The following NCOR1 variants were observed in gnomAD, a reference collection of about 807,000 sequenced individuals.
NCOR1 encodes the protein nuclear receptor corepressor 1, also known as protein phosphatase 1, regulatory subunit 109.
Under a neutral mutation model 288.1 loss-of-function variants are expected in NCOR1, and 63 were observed. The observed-to-expected ratio is 0.22, with a 90% CI of 0.18 to 0.27. The LOEUF (loss-of-function observed/expected upper bound fraction) is 0.27, where lower values mean the gene tolerates loss of function less well. Ranked by LOEUF, NCOR1 falls within the 10% of genes least tolerant of loss-of-function variation. The probability of loss-of-function intolerance (pLI) is 1.00; values close to 1 mark genes in which losing one functional copy is unlikely to be tolerated. For synonymous variants in NCOR1, 1,007 were observed against 1,065.9 expected, an observed-to-expected ratio of 0.94 and a Z score of 1.08; for missense variants, 2,397 against 3,019.2, an observed-to-expected ratio of 0.79 and a Z score of 4.83.
Position 16,177,950 on chromosome 17 carries a change from C to T in NCOR1, c.243-5955G>A, listed in dbSNP as rs945289050. Reference sequence around the variant, plus strand: ...TTCCGCCAGGCACAGTGGCTCACGCCTGTAATCCCAGCATTTTGGGAGGCT... The same window carrying T: ...TTCCGCCAGGCACAGTGGCTCACGCTTGTAATCCCAGCATTTTGGGAGGCT... On this transcript the variant is annotated intron_variant, in intron 3 of 45. Transcript: ENST00000268712. 4.6e-5 allele frequency among the ~76,000 whole-genome samples: 7 copies of T among 152,320 alleles called. No individual in the cohort carries two copies. The East Asian group carries it at 1.3e-3, about 29-fold the overall frequency.
At chr17:16,214,825 G>A (rs1160567737) in intron 1 of NCOR1, among the ~76,000 whole-genome samples, 2 of 152,126 alleles carry the variant, frequency 1.3e-5, no homozygotes, top group African/African-American at 4.8e-5. Flanking sequence ...TATAGTGTTC[G>A]GATCTTTGCC....
At chr17:16,055,690 TAACTA>T (rs1475935916) in intron 40 of NCOR1, among the ~76,000 whole-genome samples, 1 of 152,200 alleles carries the variant, frequency 6.6e-6, no homozygotes, top group Non-Finnish European at 1.5e-5. Context: ...GTTAAATAAA[TAACTA>T]AAATGAAAAT....
In NCOR1 at chr17:16,062,279, G is replaced by T; in HGVS notation, c.5222-9C>A. 6.3e-7 allele frequency: 1 copy of T among 1,575,514 alleles called. No homozygotes were observed. The highest frequency in any genetic ancestry group is 8.6e-7 in the Non-Finnish European group (1 of 1,168,562). ...GCCAGGCTGTTCTGAGCCTGCAGAG[G>T]TGAAAAAGAGAAAGAAACAAAGACA... On this transcript the variant is annotated splice_polypyrimidine_tract_variant and intron_variant, in intron 35 of 45. Coordinates refer to ENST00000268712, the MANE Select transcript of NCOR1 (RefSeq NM_006311.4).
rs1199397979 is a variant in NCOR1 at position 16,032,308 on chromosome 17, A to C, written c.7311T>G (p.Asp2437Glu). ...CACTTTGTGCAGTTCAGTCATCACT[A>C]TCCGACAGGGTCTCGTACTGTGCTG... is the stretch of plus-strand genomic sequence containing the variant. ...LLSAQYETLS[D>E]SDD Residue 2437 changes from aspartate to glutamate, a missense_variant, in exon 46 of 46, where the codon GAT (aspartate) becomes GAG (glutamate). Around this residue, in one of 11 missense-constraint regions of NCOR1, gnomAD observed 1,872 missense variants for 2,187.8 expected, o/e 0.86. Coordinates refer to ENST00000268712, the MANE Select transcript of NCOR1 (RefSeq NM_006311.4). 1 of 1,612,738 alleles carries C rather than the reference A, an allele frequency of 6.2e-7. No homozygotes were observed. Among genetic ancestry groups the C allele is most frequent in the East Asian group, 2.2e-5 (1 of 44,788 alleles).
intron 7 of NCOR1, among the ~76,000 whole-genome samples, chr17:16,152,420 T>A (rs979801455): frequency 2.0e-5 from 3 of 152,206 alleles, no homozygotes; most frequent in African/African-American, 4.8e-5. Context: ...TTTCTGTCCT[T>A]GCGACAGTTT....
chr17:16,092,670 TATATATATATATATATATATATATA>T lies in NCOR1; in HGVS notation c.2821-637_2821-613del, dbSNP rs1348401585. Among the ~76,000 whole-genome samples, 51 of 15,866 alleles carry T rather than the reference TATATATATATATATATATATATATA, an allele frequency of 3.2e-3. 1 individual carries two copies. The highest frequency in any genetic ancestry group is 0.016 in the Middle Eastern group (1 of 64). 10.4% of individuals were successfully genotyped at this position (15,866 alleles called of 152,430 possible). A position where few individuals can be genotyped will look rare whatever the true frequency, so the allele number is the denominator to read the frequency against. ...ATTTATATATATATATATATATATA[TATATATATATATATATATATATATA>T]TTTTTTTTTTTTTTTTTTTTTAAGA... On this transcript the variant is annotated intron_variant, in intron 21 of 45. Transcript: ENST00000268712.
At chr17:16,210,779 G>A (rs2092043625) in intron 1 of NCOR1, among the ~76,000 whole-genome samples, 1 of 151,420 alleles carries the variant, frequency 6.6e-6, no homozygotes, top group Admixed American at 6.6e-5. Flanking sequence ...ACCCAGGCTG[G>A]AGTGCAGTGG....
chr17:16,143,827 T>C (rs1368551821), intron 10 of NCOR1, 131 bp from the exon 11 acceptor site: 4 of 629,936 alleles, frequency 6.3e-6, no homozygotes, highest in Non-Finnish European at 1.1e-5. Flanking sequence ...TAAAATACTA[T>C]TGAGTATATA....
intron 18 of NCOR1, among the ~76,000 whole-genome samples, chr17:16,117,514 G>GAAAAAAAAA (rs34706253): frequency 9.6e-6 from 1 of 103,788 alleles, no homozygotes; most frequent in African/African-American, 3.7e-5. Flanking sequence ...CTGGAGCTCA[G>GAAAAAAAAA]AAAAAAAAAA....
intron 14 of NCOR1, among the ~76,000 whole-genome samples, chr17:16,135,103 G>C (rs2076197443): frequency 7.1e-6 from 1 of 141,680 alleles, no homozygotes; most frequent in Non-Finnish European, 1.5e-5. Flanking sequence ...AGCTTGCAGT[G>C]AGCCAAGATC....
Position 16,200,495 on chromosome 17 carries a change from C to CAAA in NCOR1, c.-70-5859_-70-5857dup, listed in dbSNP as rs55957034. On this transcript the variant is annotated intron_variant, in intron 1 of 45. Coordinates refer to ENST00000268712, the MANE Select transcript of NCOR1 (RefSeq NM_006311.4). ...TTGACAACAGAGCGAGACTCCATCT[C>CAAA]AAAAAAAAAAAAAAAAAAAAAAAAA... Among the ~76,000 whole-genome samples the CAAA allele has an allele frequency of 7.9e-3, 481 of 60,716 alleles. 9 individuals carry two copies. Among genetic ancestry groups the CAAA allele is most frequent in the Non-Finnish European group, 0.011 (396 of 35,796 alleles). 39.8% of individuals were successfully genotyped at this position (60,716 alleles called of 152,430 possible).
chr17:16,207,022 C>T (rs1158369656), intron 1 of NCOR1, among the ~76,000 whole-genome samples: 1 of 151,962 alleles, frequency 6.6e-6, no homozygotes, highest in Non-Finnish European at 1.5e-5. Context: ...ACTTCTTCCT[C>T]CCCCCCAACA....
chr17:16,151,886 G>T, intron 8 of NCOR1, 60 bp downstream of exon 8: 1 of 1,243,072 alleles, frequency 8.0e-7, no homozygotes, highest in South Asian at 1.3e-5. Flanking sequence ...TAACAAAAAT[G>T]ATCTCTTTAT....
At chr17:16,171,711 T>G (rs1159917305) in intron 4 of NCOR1, 92 bp downstream of exon 4, 4 of 1,186,924 alleles carry the variant, frequency 3.4e-6, no homozygotes, top group East Asian at 2.9e-5. Flanking sequence ...GAGACTGGTG[T>G]AACTGGACTT....
intron 18 of NCOR1, among the ~76,000 whole-genome samples, chr17:16,111,147 C>T (rs933602849): frequency 4.6e-5 from 7 of 152,160 alleles, no homozygotes; most frequent in Non-Finnish European, 1.0e-4. Context: ...TCTGTTTGGT[C>T]CTTTCACTAG....
At chr17:16,160,917 C>T (rs2080716529) in intron 5 of NCOR1, among the ~76,000 whole-genome samples, 1 of 151,920 alleles carries the variant, frequency 6.6e-6, no homozygotes, top group Admixed American at 6.6e-5. Flanking sequence ...CAGGAGGCTG[C>T]CCAATTCGAA....
intron 29 of NCOR1, 65 bp from the exon 30 acceptor site, chr17:16,071,730 G>T: frequency 6.9e-7 from 1 of 1,453,056 alleles, no homozygotes; most frequent in Non-Finnish European, 9.3e-7. Context: ...CCACGGAACT[G>T]TGCACTTAAA....
At chr17:16,166,876 C>T (rs75178157) in intron 4 of NCOR1, among the ~76,000 whole-genome samples, 4 of 152,198 alleles carry the variant, frequency 2.6e-5, no homozygotes, top group African/African-American at 9.6e-5. Flanking sequence ...AGCTACTACT[C>T]GCACTAAATG....
intron 4 of NCOR1, among the ~76,000 whole-genome samples, chr17:16,170,701 G>A (rs1229776385): frequency 7.2e-5 from 11 of 152,110 alleles, no homozygotes; most frequent in Admixed American, 6.5e-4. Context: ...TGGGCATGGT[G>A]GTGCGTCCCT....
Sources: allele counts gnomAD v4.1 joint callset (sites outside exome capture counted in the v4.1 genomes callset), GRCh38; gene constraint gnomAD v4.1.1; regional missense constraint gnomAD v4.1.1; transcripts MANE v1.5; gene names NCBI Gene and HGNC (gene_info 2026-07-23, HGNC 2026-07-21).